HECTD3: variants seen among roughly 807,000 people sequenced by gnomAD.
The protein encoded by HECTD3 is HECT domain E3 ubiquitin protein ligase 3, also known as E3 ubiquitin-protein ligase HECTD3.
Under a neutral mutation model 109.3 loss-of-function variants are expected in HECTD3, and 72 were observed. The ratio of observed to expected loss-of-function variants is 0.66; its 90% CI spans 0.54 to 0.80. The LOEUF (loss-of-function observed/expected upper bound fraction) is 0.80. Among genes scored for constraint, HECTD3 ranks in the 30% least tolerant of loss-of-function variants. HECTD3 has a pLI of 0.00. For missense variants in HECTD3, 1,041 were observed against 1,165.2 expected, an observed-to-expected ratio of 0.89 and a Z score of 1.55; for synonymous variants, 481 against 471.8, an observed-to-expected ratio of 1.02 and a Z score of -0.25.
At chr1:45,004,512 T>G (rs1178466264) in intron 16 of HECTD3, 88 bp downstream of exon 16, 3 of 1,591,396 alleles carry the variant, frequency 1.9e-6, no homozygotes, top group Non-Finnish European at 1.7e-6. Context: ...CTTGGAGTAC[T>G]GGTGGCTTAC....
At position 45,009,437 on chromosome 1, in the gene HECTD3, T is replaced by C. The variant is rs749504787; in HGVS notation, c.921A>G (p.Pro307=). Residue 307 remains proline, a synonymous_variant, in exon 6 of 21, where the codon CCA becomes CCG. Coordinates refer to ENST00000372172, the MANE Select transcript of HECTD3 (RefSeq NM_024602.6). ...CACCCCCATAGACCACCACCCGCTT[T>C]GGCATAAAGTTGTCATCTGTGGTAT... ...TVDTTDDNFM[P]KRVVVYGGEG... 1 of 1,614,198 alleles carries C rather than the reference T, an allele frequency of 6.2e-7. No individual in the cohort carries two copies. The highest frequency in any genetic ancestry group is 8.5e-7 in the Non-Finnish European group (1 of 1,180,014).
chr1:45,010,508 C>T (rs756311989), intron 2 of HECTD3, 38 bp downstream of exon 2: 37 of 1,611,570 alleles, frequency 2.3e-5, no homozygotes, highest in Non-Finnish European at 3.1e-5. Flanking sequence ...CCTGGCCCGG[C>T]CTTCTGACAG....
rs1413514326 is a variant in HECTD3, at chr1:45,006,547, C to T, written c.1725+145G>A. ...TTGAACTCCTGACCTCGTGATCTGCCCGCCTCGGCTTCCCAAAGTGCTGGG... is the reference window on the plus strand; with the variant it reads ...TTGAACTCCTGACCTCGTGATCTGCTCGCCTCGGCTTCCCAAAGTGCTGGG... On this transcript the variant is annotated intron_variant, in intron 13 of 20. Coordinates refer to ENST00000372172, the MANE Select transcript of HECTD3 (RefSeq NM_024602.6). This position sits in a 1 kb window ranked among gnomAD's most constrained non-coding sequence, Gnocchi z 4.7. The T allele has an allele frequency of 1.5e-6, 1 of 646,756 alleles. No homozygotes were observed. The highest frequency in any genetic ancestry group is 2.7e-6 in the Non-Finnish European group (1 of 376,680). The allele number at this position is 646,756 out of a possible 1,614,324, so 40.1% of individuals were successfully genotyped here.
In HECTD3 at chr1:45,005,017, T is replaced by C. The variant is rs12036125; in HGVS notation, c.1936-211A>G. 1.9e-3 allele frequency: 1,128 copies of C among 605,192 alleles called. 12 individuals carry two copies. The East Asian group carries it at 0.029, about 16-fold the overall frequency. The allele number at this position is 605,192 out of a possible 1,614,324, so 37.5% of individuals were successfully genotyped here. The stretch of plus-strand genomic sequence containing the variant: ...GCCAGAGGAGGCATCCTGTGGAAAA[T>C]GGTGTCTCAGCTGAGACCCAAATGA... On this transcript the variant is annotated intron_variant, in intron 15 of 20. Transcript: ENST00000372172.
chr1:45,006,937 C>A lies in HECTD3; in HGVS notation c.1621+14G>T. ...AGCAAGCAGGACCCTTGAGATCCTC[C>A]CTCAGGGCCTCACCTTGGTCAATGA... On this transcript the variant is annotated intron_variant, in intron 12 of 20. Coordinates refer to ENST00000372172, the MANE Select transcript of HECTD3 (RefSeq NM_024602.6). The surrounding 1 kb of genome is among the most constrained non-coding windows in gnomAD (Gnocchi z 4.7). The A allele has an allele frequency of 6.2e-7, 1 of 1,613,454 alleles. No individual in the cohort carries two copies. Among genetic ancestry groups the A allele is most frequent in the Non-Finnish European group, 8.5e-7 (1 of 1,179,386 alleles).
At position 45,011,196 on chromosome 1, in the gene HECTD3, C is replaced by CACTTCT; in HGVS notation, c.61_62insAGAAGT (p.Arg21delinsGlnLysCys). 1 of 1,464,256 alleles carries CACTTCT rather than the reference C, an allele frequency of 6.8e-7. No homozygotes were observed. The highest frequency in any genetic ancestry group is 9.0e-7 in the Non-Finnish European group (1 of 1,116,468). The allele number at this position is 1,464,256 out of a possible 1,614,324, so 90.7% of individuals were successfully genotyped here. ...GCTCCGCGCTGCCTCTGCCAAGAAG[C>CACTTCT]GCACGCGGCCCAGCAGCTGCCGGGG... is the stretch of plus-strand genomic sequence containing the variant. On this transcript the variant is annotated protein_altering_variant, in exon 1 of 21. Transcript: ENST00000372172.
In HECTD3 at chr1:45,011,128, G is replaced by A. The variant is rs1379868897; in HGVS notation, c.130C>T (p.Pro44Ser). Reference protein sequence around the residue: ...RPLPAALAFVPREVLYKLYKD... With the variant: ...RPLPAALAFVSREVLYKLYKD... ...TAAAGCTTGTAGAGCACCTCTCGCGGCACGAAAGCCAGCGCTGCTGGCAGC... is the reference window on the plus strand; with the variant it reads ...TAAAGCTTGTAGAGCACCTCTCGCGACACGAAAGCCAGCGCTGCTGGCAGC... The change falls in exon 1 of 21, where the codon CCG becomes TCG. Residue 44 changes from proline (P) to serine (S), a missense_variant. Physicochemically the swap from Pro to Ser is moderately conservative, Grantham distance 74. Around this residue, in one of 2 missense-constraint regions of HECTD3, gnomAD observed 472 missense variants for 449.9 expected, o/e 1.05. Transcript: ENST00000372172. The A allele has an allele frequency of 1.3e-6, 2 of 1,509,266 alleles. No individual in the cohort carries two copies. The highest frequency in any genetic ancestry group is 2.7e-5 in the East Asian group (1 of 36,664). The allele number at this position is 1,509,266 out of a possible 1,614,324, so 93.5% of individuals were successfully genotyped here.
intron 11 of HECTD3, 48 bp downstream of exon 11, chr1:45,007,171 T>G: frequency 6.6e-7 from 1 of 1,514,312 alleles, no homozygotes; most frequent in Non-Finnish European, 9.1e-7. Context: ...TGTGTGTTTG[T>G]GTGCACAAAC....
intron 7 of HECTD3, 53 bp downstream of exon 7, chr1:45,009,091 G>C: frequency 7.4e-7 from 1 of 1,356,340 alleles, no homozygotes; most frequent in Non-Finnish European, 1.1e-6. Context: ...CTCTCTGTTT[G>C]CCCCCATCTC....
Position 45,006,327 on chromosome 1 carries a change from ACAGAGT to A in HECTD3, c.1726-217_1726-212del, listed in dbSNP as rs1644735028. The A allele has an allele frequency of 2.0e-6, 1 of 497,270 alleles. No homozygotes were observed. Among genetic ancestry groups the A allele is most frequent in the African/African-American group, 2.1e-5 (1 of 47,096 alleles). 30.8% of individuals were successfully genotyped at this position (497,270 alleles called of 1,614,324 possible). A position where few individuals can be genotyped will look rare whatever the true frequency, so the allele number is the denominator to read the frequency against. On this transcript the variant is annotated intron_variant, in intron 13 of 20. Transcript: ENST00000372172. The surrounding 1 kb of genome is among the most constrained non-coding windows in gnomAD (Gnocchi z 4.7). ...ATTTCTATTTTTTTTTTTTTTTGAG[ACAGAGT>A]CTCACTGTGTCACCCAGGCTGGAGT...
In HECTD3 at chr1:45,003,623, T is replaced by C; in HGVS notation, c.2501+46A>G. The C allele has an allele frequency of 6.2e-7, 1 of 1,610,406 alleles. No individual in the cohort carries two copies. ...CAGGTCCCTACATCGCTACCAGGGG[T>C]GATGGGGTCCCCTGGGCCCCAAATC... On this transcript the variant is annotated intron_variant, in intron 20 of 20. Coordinates refer to ENST00000372172, the MANE Select transcript of HECTD3 (RefSeq NM_024602.6). The surrounding 1 kb of genome is among the most constrained non-coding windows in gnomAD (Gnocchi z 4.7).
At position 45,011,114 on chromosome 1, in the gene HECTD3, G is replaced by A. The variant is rs757066046; in HGVS notation, c.144C>T (p.Leu48=). The A allele has an allele frequency of 2.6e-6, 4 of 1,513,370 alleles. No individual in the cohort carries two copies. Among genetic ancestry groups the A allele is most frequent in the Non-Finnish European group, 2.6e-6 (3 of 1,138,632 alleles). The allele number at this position is 1,513,370 out of a possible 1,614,324, so 93.7% of individuals were successfully genotyped here. A position where few individuals can be genotyped will look rare whatever the true frequency, so the allele number is the denominator to read the frequency against. The change falls in exon 1 of 21, where the codon CTC becomes CTT. Residue 48 remains leucine (L), a synonymous_variant. Transcript: ENST00000372172. ...AALAFVPREV[L]YKLYKDPAGP... is the part of the protein sequence containing the mutation. ...CCGCTGGGTCCTTGTAAAGCTTGTA[G>A]AGCACCTCTCGCGGCACGAAAGCCA...
At chr1:45,004,217 G>A in intron 17 of HECTD3, 31 bp downstream of exon 17, 1 of 1,613,544 alleles carries the variant, frequency 6.2e-7, no homozygotes. Context: ...GTGCTGTGCT[G>A]CCCTGCCCTG....
intron 9 of HECTD3, 77 bp downstream of exon 9, chr1:45,008,163 G>A: frequency 8.6e-7 from 1 of 1,156,248 alleles, no homozygotes; most frequent in Non-Finnish European, 1.3e-6. Flanking sequence ...TAGATTTTAG[G>A]AACTCTGCTA....
rs964114179 is a variant in HECTD3 at position 45,003,881 on chromosome 1, C to A, written c.2403G>T (p.Arg801=). Residue 801 remains arginine, a synonymous_variant, in exon 19 of 21, where the codon CGG becomes CGT. Transcript: ENST00000372172. The surrounding 1 kb of genome is among the most constrained non-coding windows in gnomAD (Gnocchi z 4.7). ...CCAGCTTGTCTGGGTAGATGTAGAT[C>A]CGTGCTGGCAGGCGACTGCGGCCCG... ...FVTGRSRLPA[R]IYIYPDKLGY... 2 of 1,613,340 alleles carry A rather than the reference C, an allele frequency of 1.2e-6. No individual in the cohort carries two copies. The highest frequency in any genetic ancestry group is 1.1e-5 in the South Asian group (1 of 90,986).
chr1:45,004,022 GT>G (rs898660879), intron 18 of HECTD3, 37 bp downstream of exon 18: 1 of 1,613,340 alleles, frequency 6.2e-7, no homozygotes, highest in Non-Finnish European at 8.5e-7. Flanking sequence ...CAGCAGCAGA[GT>G]CCAAACCCAG....
chr1:45,008,168 C>A, intron 9 of HECTD3, 72 bp downstream of exon 9: 2 of 1,236,630 alleles, frequency 1.6e-6, no homozygotes, highest in Non-Finnish European at 2.4e-6. Flanking sequence ...TTTAGGAACT[C>A]TGCTAAGGAA....
chr1:45,010,868 C>T (rs1480644967), intron 1 of HECTD3, 21 bp downstream of exon 1: 12 of 1,511,760 alleles, frequency 7.9e-6, no homozygotes, highest in African/African-American at 1.4e-5. Context: ...TTTACCGGGT[C>T]CTGGGCAGGG....
Position 45,010,206 on chromosome 1 carries a change from C to T in HECTD3, c.618G>A (p.Arg206=). The change falls in exon 3 of 21, where the codon AGG becomes AGA. Residue 206 remains arginine (R), a synonymous_variant. Coordinates refer to ENST00000372172, the MANE Select transcript of HECTD3 (RefSeq NM_024602.6). The part of the protein sequence containing the change: ...PAEAYAEAVQ[R]LLYVPPTWTY... ...CCCCATTCCAGCTCACTCACAGTAG[C>T]CTTTGTACAGCTTCTGCGTATGCCT... 1 of 1,614,014 alleles carries T rather than the reference C, an allele frequency of 6.2e-7. No homozygotes were observed. The highest frequency in any genetic ancestry group is 8.5e-7 in the Non-Finnish European group (1 of 1,180,000).
Sources: gnomAD v4.1 joint callset for allele counts on GRCh38, gnomAD v4.1.1 for gene constraint, gnomAD v4.1.1 regional missense constraint, Gnocchi (gnomAD v3.1) non-coding constraint, MANE v1.5 for transcripts, NCBI Gene and HGNC (gene_info 2026-07-23, HGNC 2026-07-21) for gene names.